The following EPB41 variants were observed in gnomAD, a reference collection of about 807,000 sequenced individuals.
The protein encoded by EPB41 is protein 4.1.
A neutral mutation model predicts 108.0 loss-of-function variants in EPB41; 65 were observed. That is an observed-to-expected ratio of 0.60 (90% CI 0.49 to 0.74). The LOEUF (loss-of-function observed/expected upper bound fraction) is 0.74, where lower values mean the gene tolerates loss of function less well. Ranked by LOEUF, EPB41 falls within the 30% of genes least tolerant of loss-of-function variation. The pLI is 0.00. For synonymous variants in EPB41, 336 were observed against 358.9 expected (o/e 0.94, Z 0.72); for missense variants, 875 against 1,037.0 (o/e 0.84, Z 2.15).
At chr1:28,908,012 A>G (rs1415446973) in intron 1 of EPB41, among the ~76,000 whole-genome samples, 1 of 152,082 alleles carries the variant, frequency 6.6e-6, no homozygotes. Flanking sequence ...ACTTGAGGCT[A>G]ATAATATTGC....
At chr1:28,890,838 AC>A in intron 1 of EPB41, 1 of 863,226 alleles carries the variant, frequency 1.2e-6, no homozygotes, top group Non-Finnish European at 1.4e-6. Flanking sequence ...CAAAGCCCAG[AC>A]CTAACTAAGA....
At chr1:29,070,219 C>A in intron 16 of EPB41, 1 of 659,466 alleles carries the variant, frequency 1.5e-6, no homozygotes. Flanking sequence ...GATAAATTGC[C>A]AAAATAAAGT....
chr1:29,076,664 G>T (rs1424923412), intron 16 of EPB41, among the ~76,000 whole-genome samples: 1 of 152,130 alleles, frequency 6.6e-6, no homozygotes, highest in Non-Finnish European at 1.5e-5. Context: ...TACCCCACCA[G>T]AAAAAGTGAT....
At chr1:29,061,598 T>TTTTTTTTG (rs1646582569) in intron 15 of EPB41, among the ~76,000 whole-genome samples, 1 of 145,168 alleles carries the variant, frequency 6.9e-6, no homozygotes, top group Admixed American at 7.0e-5. Context: ...TTTTTTTTTT[T>TTTTTTTTG]GAGGCGGGTC....
chr1:28,934,229 C>A (rs1035875724), intron 1 of EPB41, among the ~76,000 whole-genome samples: 2 of 152,136 alleles, frequency 1.3e-5, no homozygotes, highest in Non-Finnish European at 2.9e-5. Flanking sequence ...GGGAGGAAGA[C>A]CCAGAGAGGT....
At chr1:28,995,432 C>T (rs768550237) in intron 3 of EPB41, among the ~76,000 whole-genome samples, 9 of 152,144 alleles carry the variant, frequency 5.9e-5, no homozygotes, top group Non-Finnish European at 1.0e-4. Flanking sequence ...TGTGGTGGCA[C>T]GCACCTGTAG....
intron 1 of EPB41, chr1:28,890,011 TTTTTATTTTTATTTTTATTTTA>T (rs2089941822): frequency 5.3e-5 from 1 of 19,032 alleles, no homozygotes; most frequent in South Asian, 4.9e-3. Context: ...TTTTATTTTA[TTTTTATTTTTATTTTTATTTTA>T]TTTTATTTTA....
At chr1:29,008,446 A>G (rs2096446203) in intron 4 of EPB41, among the ~76,000 whole-genome samples, 1 of 152,180 alleles carries the variant, frequency 6.6e-6, no homozygotes, top group South Asian at 2.1e-4. Context: ...ATATGAGAAA[A>G]TTGAGGCTCA....
At chr1:28,904,958 G>A (rs1252216341) in intron 1 of EPB41, among the ~76,000 whole-genome samples, 2 of 151,074 alleles carry the variant, frequency 1.3e-5, no homozygotes, top group African/African-American at 4.9e-5. Context: ...ATGAACCTGG[G>A]AGGCGGAGCT....
chr1:28,987,628 A>G lies in EPB41; in HGVS notation c.191A>G (p.Glu64Gly). The G allele has an allele frequency of 1.2e-6, 2 of 1,614,212 alleles. No homozygotes were observed. Among genetic ancestry groups the G allele is most frequent in the Non-Finnish European group, 1.7e-6 (2 of 1,180,034 alleles). The change falls in exon 2 of 21, where the codon GAA becomes GGA. Residue 64 changes from glutamate (E) to glycine (G), a missense_variant. Transcript: ENST00000343067. ...KASNGDTPTHEDLTKNKERTS... is the reference protein window; with the variant it reads ...KASNGDTPTHGDLTKNKERTS... ...TCTAATGGAGACACTCCTACACATGAAGACTTGACCAAGAACAAGGAGCGG... is the reference window on the plus strand; with the variant it reads ...TCTAATGGAGACACTCCTACACATGGAGACTTGACCAAGAACAAGGAGCGG...
rs554070556 is a variant in EPB41, at chr1:28,931,867, C to T, written c.-8+17099C>T. Among the ~76,000 whole-genome samples the T allele has an allele frequency of 1.3e-4, 20 of 152,296 alleles. No homozygotes were observed. The East Asian group carries it at 2.7e-3, about 21-fold the overall frequency. ...TGTAATATTTTCAATAGAGACAGCA[C>T]AAAGATAATTCAGTCTTCCTTTTAG... is the stretch of plus-strand genomic sequence containing the variant. On this transcript the variant is annotated intron_variant, in intron 1 of 20. Coordinates refer to ENST00000343067, the MANE Select transcript of EPB41 (RefSeq NM_001376013.1).
At chr1:29,044,185 C>A (rs557727294) in intron 11 of EPB41, among the ~76,000 whole-genome samples, 1 of 152,152 alleles carries the variant, frequency 6.6e-6, no homozygotes. Flanking sequence ...TTTTTATCCC[C>A]ATTTTTCAGG....
intron 16 of EPB41, among the ~76,000 whole-genome samples, chr1:29,068,199 G>A (rs1368356200): frequency 6.6e-6 from 1 of 152,128 alleles, no homozygotes; most frequent in Non-Finnish European, 1.5e-5. Context: ...ATAAGAAAAT[G>A]CCTTGTCGCT....
chr1:28,888,219 G>C lies in EPB41; in HGVS notation c.-8+1009G>C, dbSNP rs114631810. Among the ~76,000 whole-genome samples the C allele has an allele frequency of 7.0e-3, 1,073 of 152,366 alleles. 13 individuals carry two copies. Among genetic ancestry groups the C allele is most frequent in the African/African-American group, 0.025 (1,041 of 41,588 alleles). ...CCTCCAGAAGGAGGAGGCTTGGACA[G>C]AACCTGGCTGGGGCTGGGCTTAGGG... On this transcript the variant is annotated intron_variant, in intron 1 of 16. Transcript: ENST00000347529.
At chr1:28,916,403 A>C (rs2092675058) in intron 1 of EPB41, among the ~76,000 whole-genome samples, 1 of 152,228 alleles carries the variant, frequency 6.6e-6, no homozygotes, top group African/African-American at 2.4e-5. Context: ...TGGGAGGCCA[A>C]GGCGGGTGGA....
chr1:28,888,665 T>C (rs2089742659), intron 1 of EPB41, among the ~76,000 whole-genome samples: 1 of 152,254 alleles, frequency 6.6e-6, no homozygotes, highest in Non-Finnish European at 1.5e-5. Flanking sequence ...TCTCGCTCTG[T>C]CGCCCAGGCT....
At chr1:29,074,472 A>G (rs760391579) in intron 16 of EPB41, among the ~76,000 whole-genome samples, 8 of 152,216 alleles carry the variant, frequency 5.3e-5, no homozygotes, top group Non-Finnish European at 1.0e-4. Flanking sequence ...AGTGGATAGT[A>G]TTAATAGGCC....
chr1:28,993,603 G>A lies in EPB41; in HGVS notation c.681+61G>A, dbSNP rs182635281. On this transcript the variant is annotated intron_variant, in intron 3 of 20. Coordinates refer to ENST00000343067, the MANE Select transcript of EPB41 (RefSeq NM_001376013.1). ...TACAGGTGGTTTCATCTAGAGTTGC[G>A]TAAGTGGTGATTTTGCCCACGATAA... is the stretch of plus-strand genomic sequence containing the variant. The A allele has an allele frequency of 1.4e-4, 208 of 1,486,164 alleles. 1 individual carries two copies. The East Asian group carries it at 4.3e-3, about 31-fold the overall frequency. The allele number at this position is 1,486,164 out of a possible 1,614,324, so 92.1% of individuals were successfully genotyped here. A position where few individuals can be genotyped will look rare whatever the true frequency, so the allele number is the denominator to read the frequency against.
At chr1:28,899,999 CTAAAT>C (rs2091108722) in intron 1 of EPB41, among the ~76,000 whole-genome samples, 1 of 152,088 alleles carries the variant, frequency 6.6e-6, no homozygotes, top group Non-Finnish European at 1.5e-5. Flanking sequence ...TATTTAAGGG[CTAAAT>C]TAAATAATTT....
Sources: allele counts gnomAD v4.1 joint callset (sites outside exome capture counted in the v4.1 genomes callset), GRCh38; gene constraint gnomAD v4.1.1; transcripts MANE v1.5; gene names NCBI Gene and HGNC (gene_info 2026-07-23, HGNC 2026-07-21).